Variants in NAMPT observed in about 807,000 individuals in gnomAD.
The protein encoded by NAMPT is NAmPRTase.
In NAMPT, 7 loss-of-function variants were observed where a neutral mutation model predicts 58.7. The ratio of observed to expected loss-of-function variants is 0.12; its 90% confidence interval spans 0.07 to 0.22. The LOEUF (loss-of-function observed/expected upper bound fraction) is 0.22, where lower values mean the gene tolerates loss of function less well. Ranked by LOEUF, NAMPT falls within the 10% of genes least tolerant of loss-of-function variation. The pLI, the probability that NAMPT is intolerant of heterozygous loss-of-function variation, is 1.00. For synonymous variants in NAMPT, 145 were observed against 198.1 expected, an observed-to-expected ratio of 0.73 and a Z score of 2.25; for missense variants, 271 against 567.9, an observed-to-expected ratio of 0.48 and a Z score of 5.31.
intron 10 of NAMPT, 22 bp from the exon 11 acceptor site, chr7:106,251,215 GATTAT>G (rs753936499): frequency 2.7e-6 from 4 of 1,478,742 alleles, no homozygotes; most frequent in South Asian, 1.1e-5. Context: ...GAAATTTCAT[GATTAT>G]ATTACATTAT....
upstream of NAMPT, chr7:106,285,399 C>T (rs555190893): frequency 5.0e-4 from 236 of 467,608 alleles, no homozygotes; most frequent in Non-Finnish European, 6.0e-4. Context: ...CACGAGGAGC[C>T]GGTTCGCCCG....
upstream of NAMPT, chr7:106,285,285 G>A: frequency 5.5e-6 from 4 of 723,520 alleles, no homozygotes; most frequent in Non-Finnish European, 6.9e-6. Context: ...TGGAGGCAGC[G>A]GGGCAGCCCC....
chr7:106,272,695 G>A (rs375379216), intron 3 of NAMPT, 37 bp from the exon 4 acceptor site: 185 of 1,605,968 alleles, frequency 1.2e-4, no homozygotes, highest in Non-Finnish European at 1.5e-4. Flanking sequence ...TTATTCAACA[G>A]ATGATACTCA....
intron 2 of NAMPT, 180 bp downstream of exon 2, chr7:106,276,843 C>CA (rs1303169839): frequency 0.051 from 21,007 of 414,086 alleles, no homozygotes; most frequent in Middle Eastern, 0.069. Flanking sequence ...ACTCGGTTTC[C>CA]AAAAAAAAAA....
chr7:106,253,906 GGTT>G (rs1194727879), intron 9 of NAMPT, among the ~76,000 whole-genome samples: 2 of 152,070 alleles, frequency 1.3e-5, no homozygotes, highest in East Asian at 1.9e-4. Flanking sequence ...AAGCAAGGGG[GGTT>G]GTTGTTCACT....
At chr7:106,265,619 TC>T (rs1157511803) in intron 6 of NAMPT, among the ~76,000 whole-genome samples, 1 of 150,742 alleles carries the variant, frequency 6.6e-6, no homozygotes, top group Non-Finnish European at 1.5e-5. Context: ...AGTATCTGTA[TC>T]TTAGCCTCTG....
At chr7:106,260,120 A>G (rs1183696622) in intron 8 of NAMPT, among the ~76,000 whole-genome samples, 4 of 152,218 alleles carry the variant, frequency 2.6e-5, no homozygotes, top group African/African-American at 9.6e-5. Context: ...ATGTCCTTTC[A>G]AAGCAGATGT....
At chr7:106,268,124 A>G (rs1175563361) in intron 6 of NAMPT, among the ~76,000 whole-genome samples, 1 of 152,116 alleles carries the variant, frequency 6.6e-6, no homozygotes, top group Non-Finnish European at 1.5e-5. Context: ...AAAAGGCAAA[A>G]AGTGGCTGGT....
intron 5 of NAMPT, 150 bp downstream of exon 5, chr7:106,269,004 C>T: frequency 1.4e-6 from 1 of 690,902 alleles, no homozygotes; most frequent in Non-Finnish European, 2.4e-6. Context: ...GTACCCTGAA[C>T]ACAGTAGTAG....
rs993282765 is a variant in NAMPT at position 106,249,305 on chromosome 7, AC to A, written c.*1777del. 5 of 152,524 alleles carry A rather than the reference AC, an allele frequency of 3.3e-5. No homozygotes were observed. The highest frequency in any genetic ancestry group is 7.4e-5 in the Non-Finnish European group (5 of 67,974). 9.4% of individuals were successfully genotyped at this position (152,524 alleles called of 1,614,324 possible). ...AAACATATTCTTTCTAATACCACTT[AC>A]AAAAAACATTTAATGAAGATAACAC... On this transcript the variant is annotated 3_prime_UTR_variant, in exon 11 of 11. Coordinates refer to ENST00000222553, the MANE Select transcript of NAMPT (RefSeq NM_005746.3).
chr7:106,261,727 T>TG lies in NAMPT; in HGVS notation c.970-21dup. 1 of 1,597,882 alleles carries TG rather than the reference T, an allele frequency of 6.3e-7. No individual in the cohort carries two copies. The highest frequency in any genetic ancestry group is 8.6e-7 in the Non-Finnish European group (1 of 1,165,980). On this transcript the variant is annotated intron_variant, in intron 7 of 10. Coordinates refer to ENST00000222553, the MANE Select transcript of NAMPT (RefSeq NM_005746.3). ...CAAAACCTATATGGAAAAATACACA[T>TG]GCAACACAAATAACTAAAGCTGAAA...
intron 7 of NAMPT, among the ~76,000 whole-genome samples, chr7:106,262,453 AT>A (rs1200012762): frequency 6.6e-6 from 1 of 152,112 alleles, no homozygotes; most frequent in Admixed American, 6.5e-5. Flanking sequence ...AGCTGTGTAC[AT>A]TTTTTATTAC....
chr7:106,273,000 C>T (rs1365559710), intron 3 of NAMPT, among the ~76,000 whole-genome samples: 3 of 152,118 alleles, frequency 2.0e-5, no homozygotes, highest in Non-Finnish European at 2.9e-5. Context: ...TGACTTTATT[C>T]CAACATATTC....
At chr7:106,271,355 G>C (rs954148404) in intron 4 of NAMPT, among the ~76,000 whole-genome samples, 1 of 152,022 alleles carries the variant, frequency 6.6e-6, no homozygotes, top group Non-Finnish European at 1.5e-5. Context: ...CCTTTAGACA[G>C]AATTACCTAT....
At chr7:106,274,613 G>C (rs1299713520) in intron 3 of NAMPT, among the ~76,000 whole-genome samples, 1 of 152,172 alleles carries the variant, frequency 6.6e-6, no homozygotes, top group African/African-American at 2.4e-5. Context: ...CCAGCACTTT[G>C]GGAGGCCAAG....
intron 8 of NAMPT, among the ~76,000 whole-genome samples, chr7:106,256,584 C>T (rs1031100021): frequency 1.3e-5 from 2 of 152,084 alleles, no homozygotes; most frequent in Non-Finnish European, 1.5e-5. Context: ...AACTTAACAA[C>T]GGTGCAAAAG....
rs771908214 is a variant in NAMPT, at chr7:106,284,855, G to A, written c.30C>T (p.Asn10=). 5 of 1,577,446 alleles carry A rather than the reference G, an allele frequency of 3.2e-6. No individual in the cohort carries two copies. Among genetic ancestry groups the A allele is most frequent in the Non-Finnish European group, 2.6e-6 (3 of 1,160,796 alleles). Reference sequence around the variant, plus strand: ...TGTAGGAGTCGGTGGCCAGGAGGATGTTGAACTCGGCTTCTGCCGCAGGAT... The same window carrying A: ...TGTAGGAGTCGGTGGCCAGGAGGATATTGAACTCGGCTTCTGCCGCAGGAT... MNPAAEAEF[N]ILLATDSYKV... The change falls in exon 1 of 11, where the codon AAC becomes AAT. Residue 10 remains asparagine, a synonymous_variant. Transcript: ENST00000222553.
chr7:106,260,846 A>C (rs10808150), intron 8 of NAMPT, among the ~76,000 whole-genome samples: 2 of 152,040 alleles, frequency 1.3e-5, no homozygotes, highest in Non-Finnish European at 2.9e-5. Context: ...TTATCAATTA[A>C]GTTCACTGCC....
At chr7:106,269,064 A>C (rs1792480720) in intron 5 of NAMPT, 90 bp downstream of exon 5, 8 of 1,232,300 alleles carry the variant, frequency 6.5e-6, no homozygotes, top group Non-Finnish European at 3.4e-6. Flanking sequence ...TAGAACCAAG[A>C]TCAATCTCAA....
Sources: allele counts gnomAD v4.1 joint callset (sites outside exome capture counted in the v4.1 genomes callset), GRCh38; gene constraint gnomAD v4.1.1; transcripts MANE v1.5; gene names NCBI Gene and HGNC (gene_info 2026-07-23, HGNC 2026-07-21).